ALAS1: variants seen among roughly 807,000 people sequenced by gnomAD.
The protein encoded by ALAS1 is 5'-aminolevulinate synthase 1.
A neutral mutation model predicts 59.6 loss-of-function variants in ALAS1; 29 were observed. The observed-to-expected ratio is 0.49, with a 90% CI of 0.36 to 0.66. ALAS1 has a LOEUF of 0.66. Among genes scored for constraint, ALAS1 ranks in the 30% least tolerant of loss-of-function variants. ALAS1 has a pLI of 0.00. For missense variants in ALAS1, 690 were observed against 807.5 expected, an observed-to-expected ratio of 0.85 and a Z score of 1.76; for synonymous variants, 299 against 296.6, an observed-to-expected ratio of 1.01 and a Z score of -0.08.
intron 9 of ALAS1, among the ~76,000 whole-genome samples, chr3:52,210,999 G>A (rs537092390): frequency 6.6e-6 from 1 of 152,232 alleles, no homozygotes; most frequent in Admixed American, 6.5e-5. Flanking sequence ...TACTGTATTG[G>A]ATACTGTTGG....
chr3:52,198,420 G>A (rs1053609665), intron 1 of ALAS1, among the ~76,000 whole-genome samples, 165 bp downstream of exon 1: 1 of 152,194 alleles, frequency 6.6e-6, no homozygotes, highest in Admixed American at 6.5e-5. Flanking sequence ...CTAGACGGCC[G>A]CCTCAGTTTC....
intron 9 of ALAS1, 98 bp downstream of exon 9, chr3:52,208,345 C>G: frequency 7.3e-7 from 1 of 1,362,672 alleles, no homozygotes; most frequent in Non-Finnish European, 1.0e-6. Flanking sequence ...GACAGCCTGA[C>G]AGCATATGAA....
At position 52,206,014 on chromosome 3, in the gene ALAS1, A is replaced by T; in HGVS notation, c.976A>T (p.Met326Leu). 6.3e-7 allele frequency: 1 copy of T among 1,598,186 alleles called. No homozygotes were observed. The change falls in exon 7 of 12, where the codon ATG becomes TTG. Residue 326 changes from methionine (M) to leucine (L), a missense_variant. Coordinates refer to ENST00000484952, the MANE Select transcript of ALAS1 (RefSeq NM_000688.6). ...CTCAACCCTCTTCACCCTGGCTAAG[A>T]TGATGCCAGGTAAGGAAGCCTGGCA... ...NDSTLFTLAK[M>L]MPGCEIYSDS...
intron 3 of ALAS1, among the ~76,000 whole-genome samples, chr3:52,201,648 CT>C (rs1699188399): frequency 6.6e-6 from 1 of 152,272 alleles, no homozygotes; most frequent in East Asian, 1.9e-4. Context: ...GTCCAAGCTA[CT>C]TGGAGAGCTA....
In ALAS1 at chr3:52,203,959, A is replaced by C; in HGVS notation, c.524A>C (p.Gln175Pro). 1 of 1,613,374 alleles carries C rather than the reference A, an allele frequency of 6.2e-7. No homozygotes were observed. The highest frequency in any genetic ancestry group is 8.5e-7 in the Non-Finnish European group (1 of 1,179,552). The change falls in exon 5 of 12, where the codon CAA becomes CCA. Residue 175 changes from glutamine to proline, a missense_variant. Physicochemically the swap from Gln to Pro is moderately conservative, Grantham distance 76 (BLOSUM62 -1). Transcript: ENST00000484952. ...GLLKNFQDIM[Q>P]KQRPERVSHL... ...CTGAAGAACTTCCAGGACATCATGC[A>C]AAAGCAAAGACCAGAAAGAGTGTCT...
In ALAS1 at chr3:52,211,423, A is replaced by G. The variant is rs1455316281; in HGVS notation, c.1471A>G (p.Ile491Val). 2 of 1,614,172 alleles carry G rather than the reference A, an allele frequency of 1.2e-6. No individual in the cohort carries two copies. The highest frequency in any genetic ancestry group is 1.7e-6 in the Non-Finnish European group (2 of 1,180,024). Reference protein sequence around the residue: ...LLAGALESVRILKSAEGRVLR... With the variant: ...LLAGALESVRVLKSAEGRVLR... ...GGCTGGAGCCCTGGAGTCTGTGCGGATCCTGAAGAGCGCTGAGGGACGGGT... is the reference window on the plus strand; with the variant it reads ...GGCTGGAGCCCTGGAGTCTGTGCGGGTCCTGAAGAGCGCTGAGGGACGGGT... The change falls in exon 10 of 12, where the codon ATC becomes GTC. Residue 491 changes from isoleucine to valine, a missense_variant. Transcript: ENST00000484952.
At position 52,211,393 on chromosome 3, in the gene ALAS1, C is replaced by A; in HGVS notation, c.1441C>A (p.Leu481Met). ...FIFTTSLPPM[L>M]LAGALESVRI... ...CTTCACCACCTCTCTGCCACCCATG[C>A]TGCTGGCTGGAGCCCTGGAGTCTGT... is the stretch of plus-strand genomic sequence containing the variant. Residue 481 changes from leucine to methionine, a missense_variant, in exon 10 of 12, where the codon CTG becomes ATG. By Grantham distance (15) the Leu-to-Met change is conservative (BLOSUM62 2). Transcript: ENST00000484952. The A allele has an allele frequency of 6.2e-7, 1 of 1,614,230 alleles. No individual in the cohort carries two copies. Among genetic ancestry groups the A allele is most frequent in the Non-Finnish European group, 8.5e-7 (1 of 1,180,046 alleles).
Position 52,204,853 on chromosome 3 carries a change from A to T in ALAS1, c.738A>T (p.Ser246=). 1.2e-6 allele frequency: 2 copies of T among 1,614,216 alleles called. No individual in the cohort carries two copies. Among genetic ancestry groups the T allele is most frequent in the Non-Finnish European group, 1.7e-6 (2 of 1,180,034 alleles). ...SDSLITKKQV[S]VWCSNDYLGM... ...CCCTCATCACCAAAAAGCAAGTGTC[A>T]GTCTGGTGCAGTAATGACTACCTAG... The change falls in exon 6 of 12, where the codon TCA becomes TCT. Residue 246 remains serine, a synonymous_variant. Coordinates refer to ENST00000484952, the MANE Select transcript of ALAS1 (RefSeq NM_000688.6).
At chr3:52,200,815 C>A (rs186512153) in intron 3 of ALAS1, among the ~76,000 whole-genome samples, 1 of 152,212 alleles carries the variant, frequency 6.6e-6, no homozygotes, top group East Asian at 1.9e-4. Flanking sequence ...CCACTTAATC[C>A]CAGAGAATAT....
At chr3:52,198,898 G>A (rs781534308) in intron 2 of ALAS1, 50 bp downstream of exon 2, 1 of 1,528,644 alleles carries the variant, frequency 6.5e-7, no homozygotes, top group South Asian at 1.2e-5. Context: ...AGAAACCTCT[G>A]GCCTCCCAAA....
At chr3:52,212,226 GTGACC>G (rs1250730892) in intron 10 of ALAS1, 27 bp from the exon 11 acceptor site, 1 of 1,601,990 alleles carries the variant, frequency 6.2e-7, no homozygotes, top group Non-Finnish European at 8.5e-7. Flanking sequence ...CCTTCCTGTT[GTGACC>G]TTACCTTCTG....
intron 4 of ALAS1, 96 bp downstream of exon 4, chr3:52,202,830 A>G: frequency 8.5e-7 from 1 of 1,179,120 alleles, no homozygotes; most frequent in Non-Finnish European, 1.2e-6. Flanking sequence ...TTAGGGCAGT[A>G]TTTATGGAAA....
At chr3:52,200,091 C>T (rs902569138) in intron 3 of ALAS1, among the ~76,000 whole-genome samples, 1 of 152,248 alleles carries the variant, frequency 6.6e-6, no homozygotes, top group Non-Finnish European at 1.5e-5. Context: ...GCTGGGATTG[C>T]AGGCGTGAGC....
chr3:52,198,209 T>C lies in ALAS1; in HGVS notation c.-256T>C. On this transcript the variant is annotated 5_prime_UTR_variant, in exon 1 of 12. Coordinates refer to ENST00000484952, the MANE Select transcript of ALAS1 (RefSeq NM_000688.6). ...GAGCGTTTCGTTTGGACTTCTCGACTTGAGTGCCCGCCTCCTTCGCCGCCG... is the reference window on the plus strand; with the variant it reads ...GAGCGTTTCGTTTGGACTTCTCGACCTGAGTGCCCGCCTCCTTCGCCGCCG... 1 of 399,018 alleles carries C rather than the reference T, an allele frequency of 2.5e-6. No homozygotes were observed. Among genetic ancestry groups the C allele is most frequent in the South Asian group, 1.2e-4 (1 of 8,094 alleles). 24.7% of individuals were successfully genotyped at this position (399,018 alleles called of 1,614,324 possible). A position where few individuals can be genotyped will look rare whatever the true frequency, so the allele number is the denominator to read the frequency against.
In ALAS1 at chr3:52,212,394, C is replaced by T. The variant is rs1003718227; in HGVS notation, c.1736C>T (p.Thr579Ile). 7 of 1,613,974 alleles carry T rather than the reference C, an allele frequency of 4.3e-6. No homozygotes were observed. The highest frequency in any genetic ancestry group is 3.3e-5 in the South Asian group (3 of 91,084). Residue 579 changes from threonine to isoleucine, a missense_variant, in exon 11 of 12, where the codon ACA (threonine) becomes ATA (isoleucine). Thr to Ile is a moderately conservative substitution (Grantham distance 89). Coordinates refer to ENST00000484952, the MANE Select transcript of ALAS1 (RefSeq NM_000688.6). Reference sequence around the variant, plus strand: ...CGGATTGCCCCCACCCCTCACCACACACCCCAGATGATGAACTACTTCCTT... The same window carrying T: ...CGGATTGCCCCCACCCCTCACCACATACCCCAGATGATGAACTACTTCCTT... ...LLRIAPTPHHTPQMMNYFLEN... is the reference protein window; with the variant it reads ...LLRIAPTPHHIPQMMNYFLEN...
intron 7 of ALAS1, 67 bp from the exon 8 acceptor site, chr3:52,206,505 T>C (rs534125371): frequency 6.5e-5 from 99 of 1,525,068 alleles, no homozygotes; most frequent in Non-Finnish European, 5.5e-5. Context: ...AAAAGTCTGT[T>C]GTCTTTCTCT....
intron 9 of ALAS1, among the ~76,000 whole-genome samples, chr3:52,208,491 C>G (rs1453662915): frequency 6.6e-6 from 1 of 152,196 alleles, no homozygotes; most frequent in African/African-American, 2.4e-5. Flanking sequence ...TCATTTCAGA[C>G]ATAGTTGTGG....
intron 10 of ALAS1, 96 bp from the exon 11 acceptor site, chr3:52,212,162 T>G: frequency 7.7e-5 from 89 of 1,148,490 alleles, no homozygotes; most frequent in Middle Eastern, 3.0e-4. Context: ...AGTCTGGTCT[T>G]GAGCCTGAGC....
chr3:52,207,879 G>T (rs1389206176), intron 8 of ALAS1, among the ~76,000 whole-genome samples: 1 of 152,160 alleles, frequency 6.6e-6, no homozygotes, highest in African/African-American at 2.4e-5. Context: ...TTTTCTAATA[G>T]ATTTGGGTGA....
Sources: gnomAD v4.1 joint callset for allele counts (sites outside exome capture counted in the v4.1 genomes callset) on GRCh38, gnomAD v4.1.1 for gene constraint, MANE v1.5 for transcripts, NCBI Gene and HGNC (gene_info 2026-07-23, HGNC 2026-07-21) for gene names.